AGO2: variants seen among roughly 807,000 people sequenced by gnomAD.
The protein encoded by AGO2 is protein argonaute-2.
In AGO2, 5 loss-of-function variants were observed where a neutral mutation model predicts 102.3. The observed-to-expected ratio is 0.05, with a 90% CI of 0.03 to 0.10. The LOEUF is 0.10. Among genes scored for constraint, AGO2 ranks in the 10% least tolerant of loss-of-function variants. The probability of loss-of-function intolerance (pLI) is 1.00; values close to 1 mark genes in which losing one functional copy is unlikely to be tolerated. For missense variants in AGO2, 541 were observed against 1,183.7 expected (o/e 0.46, Z 7.97); for synonymous variants, 449 against 473.1 (o/e 0.95, Z 0.66).
At chr8:140,587,810 A>G (rs1268881348) in intron 1 of AGO2, among the ~76,000 whole-genome samples, 1 of 152,194 alleles carries the variant, frequency 6.6e-6, no homozygotes. Flanking sequence ...TGCGCTCTCC[A>G]TGTGCTCTCT....
chr8:140,595,813 ATATTATATTTATATTATATACAAT>A (rs2073822840), intron 1 of AGO2, among the ~76,000 whole-genome samples: 1 of 41,280 alleles, frequency 2.4e-5, no homozygotes, highest in African/African-American at 1.4e-4. Flanking sequence ...ACAATTGTAT[ATATTATATTTATATTATATACAAT>A]TGTATATATT....
At chr8:140,632,968 A>C (rs192949774) in intron 1 of AGO2, among the ~76,000 whole-genome samples, 1 of 150,278 alleles carries the variant, frequency 6.7e-6, no homozygotes, top group East Asian at 2.0e-4. Context: ...GCTGGAGTGC[A>C]GTGGCGCAAT....
upstream of AGO2, among the ~76,000 whole-genome samples, chr8:140,640,286 A>C (rs1017599194): frequency 5.3e-5 from 8 of 152,164 alleles, no homozygotes; most frequent in African/African-American, 1.9e-4. Context: ...CTGGGATTAC[A>C]GGCGTGAGCC....
intron 12 of AGO2, among the ~76,000 whole-genome samples, chr8:140,548,467 G>A (rs748550742): frequency 3.9e-5 from 6 of 152,034 alleles, no homozygotes; most frequent in African/African-American, 9.7e-5. Context: ...AGAGCTCCAC[G>A]GACCCACCCC....
intron 1 of AGO2, among the ~76,000 whole-genome samples, chr8:140,631,308 G>A (rs1378698436): frequency 1.3e-5 from 2 of 152,146 alleles, no homozygotes; most frequent in Non-Finnish European, 1.5e-5. Context: ...TTGGGAGGCC[G>A]AGGCAGGTAG....
Position 140,589,435 on chromosome 8 carries a change from G to A in AGO2, c.23-4124C>T, listed in dbSNP as rs2073714478. On this transcript the variant is annotated intron_variant, in intron 1 of 18. Transcript: ENST00000220592. This position sits in a 1 kb window ranked among gnomAD's most constrained non-coding sequence, Gnocchi z 4.2. ...GGGTGGCAGCCTCGCTGTGAGGCTG[G>A]CACAGGGGCCCAGGGCTGTCTCCTA... 6.6e-6 allele frequency among the ~76,000 whole-genome samples: 1 copy of A among 151,740 alleles called. No homozygotes were observed. Among genetic ancestry groups the A allele is most frequent in the Non-Finnish European group, 1.5e-5 (1 of 67,878 alleles).
intron 13 of AGO2, among the ~76,000 whole-genome samples, chr8:140,545,464 C>T (rs2072882888): frequency 1.3e-5 from 2 of 152,164 alleles, no homozygotes; most frequent in Non-Finnish European, 2.9e-5. Context: ...TGAACTCCAG[C>T]CTTCTCTAGG....
chr8:140,640,952 A>G, the AGO2 span, among the ~76,000 whole-genome samples: 3 of 152,296 alleles, frequency 2.0e-5, no homozygotes, highest in South Asian at 6.2e-4. Flanking sequence ...ATTTGTGTGG[A>G]TGTGGTGTAT....
At chr8:140,541,056 G>GA in intron 15 of AGO2, 108 bp downstream of exon 15, 5 of 1,303,628 alleles carry the variant, frequency 3.8e-6, no homozygotes, top group Non-Finnish European at 5.2e-6. Flanking sequence ...CCTTGGGGCC[G>GA]AATGAGAGCC....
chr8:140,588,059 G>A (rs1479611200), intron 1 of AGO2, among the ~76,000 whole-genome samples: 2 of 152,088 alleles, frequency 1.3e-5, no homozygotes, highest in African/African-American at 2.4e-5. Flanking sequence ...AGGAGTAATC[G>A]AGGTTCCACC....
chr8:140,551,574 C>G, intron 10 of AGO2, 138 bp from the exon 11 acceptor site: 1 of 916,780 alleles, frequency 1.1e-6, no homozygotes, highest in Non-Finnish European at 1.4e-6. Flanking sequence ...TGTCTCCTGT[C>G]TCTGACCTGC....
chr8:140,545,176 C>T (rs1233737794), intron 13 of AGO2, among the ~76,000 whole-genome samples: 4 of 152,216 alleles, frequency 2.6e-5, no homozygotes, highest in Non-Finnish European at 5.9e-5. Context: ...ACTCCCATCG[C>T]CTGCCTTGCG....
chr8:140,547,128 A>G (rs2072914853), intron 13 of AGO2, among the ~76,000 whole-genome samples: 1 of 152,180 alleles, frequency 6.6e-6, no homozygotes, highest in Non-Finnish European at 1.5e-5. Flanking sequence ...GCCCTGGTCC[A>G]CACGGTAGCT....
At chr8:140,556,433 C>T in intron 8 of AGO2, 147 bp from the exon 9 acceptor site, 3 of 1,006,600 alleles carry the variant, frequency 3.0e-6, no homozygotes, top group Non-Finnish European at 4.3e-6. Flanking sequence ...CAGGTGTCTG[C>T]TGTGGGGGCT....
intron 2 of AGO2, among the ~76,000 whole-genome samples, chr8:140,574,621 C>T (rs576333858): frequency 9.9e-5 from 15 of 152,208 alleles, no homozygotes; most frequent in East Asian, 1.9e-4. Flanking sequence ...TCGCACACTA[C>T]GCCTGATAAA....
At chr8:140,620,323 A>G (rs1036538134) in intron 1 of AGO2, among the ~76,000 whole-genome samples, 1 of 152,226 alleles carries the variant, frequency 6.6e-6, no homozygotes, top group Non-Finnish European at 1.5e-5. Flanking sequence ...CGATCAGACG[A>G]GATGATGGCA....
upstream of AGO2, chr8:140,637,135 C>T (rs543570668): frequency 1.1e-4 from 17 of 152,302 alleles, no homozygotes; most frequent in African/African-American, 4.1e-4. Flanking sequence ...TGGCAGCCAT[C>T]CCTTAAACTG....
chr8:140,642,070 G>A, the AGO2 span, among the ~76,000 whole-genome samples: 2 of 151,770 alleles, frequency 1.3e-5, no homozygotes, highest in African/African-American at 4.8e-5. Flanking sequence ...GAAAAAAAAA[G>A]AAAGGAAAAA....
rs201799269 is a variant in AGO2, at chr8:140,558,565, C to T, written c.798G>A (p.Lys266=). 1.1e-5 allele frequency: 17 copies of T among 1,614,082 alleles called. No individual in the cohort carries two copies. Among genetic ancestry groups the T allele is most frequent in the Non-Finnish European group, 1.3e-5 (15 of 1,180,030 alleles). The change falls in exon 7 of 19, where the codon AAG becomes AAA. Residue 266 remains lysine, a synonymous_variant. Coordinates refer to ENST00000220592, the MANE Select transcript of AGO2 (RefSeq NM_012154.5). The part of the protein sequence containing the change: ...VKFTKEIKGL[K]VEITHCGQMK... ...TCTGCCCACAGTGCGTTATCTCCAC[C>T]TTTAGACCTGGGGACACAGAACACA...
Sources: allele counts gnomAD v4.1 joint callset (sites outside exome capture counted in the v4.1 genomes callset), GRCh38; gene constraint gnomAD v4.1.1; non-coding constraint Gnocchi (gnomAD v3.1); transcripts MANE v1.5; gene names NCBI Gene and HGNC (gene_info 2026-07-23, HGNC 2026-07-21).